The following CYP2J2 variants were observed in gnomAD, a reference collection of about 807,000 sequenced individuals.
CYP2J2 encodes cytochrome P450 2J2.
A neutral mutation model predicts 48.8 loss-of-function variants in CYP2J2; 41 were observed. The ratio of observed to expected loss-of-function variants is 0.84; its 90% CI spans 0.66 to 1.09. CYP2J2 has a LOEUF of 1.09. Among genes scored for constraint, CYP2J2 ranks in the 50% least tolerant of loss-of-function variants. The pLI, the probability that CYP2J2 is intolerant of heterozygous loss-of-function variation, is 0.00. For synonymous variants in CYP2J2, 221 were observed against 227.1 expected, an observed-to-expected ratio of 0.97 and a Z score of 0.24; for missense variants, 644 against 617.3, an observed-to-expected ratio of 1.04 and a Z score of -0.46.
At chr1:59,958,840 C>T in the CYP2J2 span, among the ~76,000 whole-genome samples, 1 of 152,126 alleles carries the variant, frequency 6.6e-6, no homozygotes, top group African/African-American at 2.4e-5. Context: ...TCTATGTGAA[C>T]AACCTCCAAA....
chr1:59,912,732 G>A (rs926230404), intron 2 of CYP2J2: 12 of 166,952 alleles, frequency 7.2e-5, no homozygotes, highest in African/African-American at 2.6e-4. Flanking sequence ...AGTTACATAA[G>A]TAAAGTTAAG....
Position 59,905,009 on chromosome 1 carries a change from C to T in CYP2J2, c.1053G>A (p.Pro351=), listed in dbSNP as rs780015854. Residue 351 remains proline, a synonymous_variant, in exon 7 of 9, where the codon CCG becomes CCA. Coordinates refer to ENST00000371204, the MANE Select transcript of CYP2J2 (RefSeq NM_000775.4). ...IDRVIGQGQQ[P]STAARESMPY... is the part of the protein sequence containing the mutation. ...GCATGGACTCCCGGGCGGCTGTGCT[C>T]GGCTGCTGCCCCTGGCCAATCACTC... 77 of 1,613,808 alleles carry T rather than the reference C, an allele frequency of 4.8e-5. No individual in the cohort carries two copies. Among genetic ancestry groups the T allele is most frequent in the Non-Finnish European group, 6.2e-5 (73 of 1,179,970 alleles).
At chr1:59,903,527 G>C (rs551283315) in intron 7 of CYP2J2, among the ~76,000 whole-genome samples, 77 of 152,202 alleles carry the variant, frequency 5.1e-4, no homozygotes, top group Non-Finnish European at 9.1e-4. Flanking sequence ...ATTACTGGAG[G>C]AGAGAGTGGG....
intron 1 of CYP2J2, among the ~76,000 whole-genome samples, chr1:59,923,692 T>A (rs1016733286): frequency 6.6e-6 from 1 of 152,104 alleles, no homozygotes; most frequent in Non-Finnish European, 1.5e-5. Context: ...AATAGCAGAA[T>A]GGTAATGATA....
chr1:59,894,463 C>G (rs955212093), intron 8 of CYP2J2, among the ~76,000 whole-genome samples: 1 of 152,158 alleles, frequency 6.6e-6, no homozygotes, highest in Non-Finnish European at 1.5e-5. Flanking sequence ...CTGGTCTCCA[C>G]AGCTGACACC....
intron 7 of CYP2J2, among the ~76,000 whole-genome samples, chr1:59,901,923 G>C (rs1644323483): frequency 6.6e-6 from 1 of 152,026 alleles, no homozygotes; most frequent in Admixed American, 6.6e-5. Context: ...AGCCCCCACT[G>C]CTCATACCTA....
intron 1 of CYP2J2, among the ~76,000 whole-genome samples, chr1:59,922,719 C>G (rs1453296815): frequency 6.6e-6 from 1 of 152,082 alleles, no homozygotes; most frequent in African/African-American, 2.4e-5. Flanking sequence ...ATCATGACAC[C>G]AATTAACACA....
intron 3 of CYP2J2, 140 bp downstream of exon 3, chr1:59,912,022 G>A: frequency 9.9e-7 from 1 of 1,014,630 alleles, no homozygotes. Flanking sequence ...AAAACTCTTT[G>A]AGGACAGAGT....
rs1299860965 is a variant in CYP2J2 at position 59,907,894 on chromosome 1, C to A, written c.895G>T (p.Glu299Ter). The A allele has an allele frequency of 6.2e-7, 1 of 1,614,104 alleles. No individual in the cohort carries two copies. The highest frequency in any genetic ancestry group is 1.6e-4 in the Middle Eastern group (1 of 6,062). ...TCCAGGGTGCTGCAGATGAGGTTTTCTTCATGGAAACTTGAAGTAGGATTG... is the reference window on the plus strand; with the variant it reads ...TCCAGGGTGCTGCAGATGAGGTTTTATTCATGGAAACTTGAAGTAGGATTG... The part of the protein sequence containing the change: ...TGNPTSSFHE[E>*]NLICSTLDLF... The change falls in exon 6 of 9, where the codon GAA becomes TAA. Residue 299 changes from glutamate (E) to a stop codon, truncating the protein, a stop_gained. Transcript: ENST00000371204. LOFTEE classifies it high-confidence loss of function.
In CYP2J2 at chr1:59,926,708, C is replaced by T. The variant is rs1644568712; in HGVS notation, c.39G>A (p.Trp13Ter). 2 of 1,613,198 alleles carry T rather than the reference C, an allele frequency of 1.2e-6. No homozygotes were observed. The highest frequency in any genetic ancestry group is 1.7e-5 in the Admixed American group (1 of 59,988). ...GGAGAGTCCGAGGATGGACCACTGC[C>T]CAGAGGGCAGCCGCCAGAGAGCCCA... ...AAMGSLAAAL[W>*]AVVHPRTLLL... Residue 13 changes from tryptophan (W) to a stop codon, truncating the protein, a stop_gained, in exon 1 of 9, where the codon TGG becomes TGA. Coordinates refer to ENST00000371204, the MANE Select transcript of CYP2J2 (RefSeq NM_000775.4). LOFTEE classifies it high-confidence loss of function.
chr1:59,907,112 A>G (rs1014919996), intron 6 of CYP2J2, among the ~76,000 whole-genome samples: 6 of 152,230 alleles, frequency 3.9e-5, no homozygotes, highest in Non-Finnish European at 1.5e-5. Context: ...ATAATACATG[A>G]TAAGCCTAGT....
intron 8 of CYP2J2, among the ~76,000 whole-genome samples, chr1:59,899,566 T>A (rs1443254379): frequency 6.6e-6 from 1 of 152,190 alleles, no homozygotes; most frequent in Non-Finnish European, 1.5e-5. Context: ...CAAACTATCG[T>A]GCATTCCACA....
Position 59,905,039 on chromosome 1 carries a change from A to G in CYP2J2, c.1023T>C (p.Ile341=), listed in dbSNP as rs1644354376. The part of the protein sequence containing the change: ...PEIQEKVQAE[I]DRVIGQGQQP... ...GCTGCCCCTGGCCAATCACTCTGTCAATCTCAGCTTGTACTTTTTCTGGTA... is the reference window on the plus strand; with the variant it reads ...GCTGCCCCTGGCCAATCACTCTGTCGATCTCAGCTTGTACTTTTTCTGGTA... The change falls in exon 7 of 9, where the codon ATT becomes ATC. Residue 341 remains isoleucine, a synonymous_variant. Transcript: ENST00000371204. The G allele has an allele frequency of 6.2e-7, 1 of 1,613,438 alleles. No homozygotes were observed. Among genetic ancestry groups the G allele is most frequent in the Admixed American group, 1.7e-5 (1 of 59,858 alleles).
At chr1:59,917,221 G>T (rs980607029) in intron 1 of CYP2J2, among the ~76,000 whole-genome samples, 1 of 152,102 alleles carries the variant, frequency 6.6e-6, no homozygotes, top group African/African-American at 2.4e-5. Flanking sequence ...CTTGTTCCAG[G>T]CGCACAGCCA....
At chr1:59,957,717 C>T in the CYP2J2 span, among the ~76,000 whole-genome samples, 4 of 150,702 alleles carry the variant, frequency 2.7e-5, no homozygotes, top group Non-Finnish European at 5.9e-5. Context: ...ACACACACAC[C>T]ACACACACAT....
At chr1:59,961,202 A>G in the CYP2J2 span, among the ~76,000 whole-genome samples, 1 of 152,228 alleles carries the variant, frequency 6.6e-6, no homozygotes, top group Non-Finnish European at 1.5e-5. Flanking sequence ...TGCCAAGACA[A>G]CATACAGAAT....
the CYP2J2 span, among the ~76,000 whole-genome samples, chr1:59,963,612 C>G: frequency 6.6e-6 from 1 of 152,052 alleles, no homozygotes; most frequent in South Asian, 2.1e-4. Flanking sequence ...GTAGTTTTGA[C>G]CCTTGGGCTA....
the CYP2J2 span, among the ~76,000 whole-genome samples, chr1:59,935,051 T>TATAC: frequency 2.8e-5 from 3 of 107,756 alleles, no homozygotes; most frequent in Admixed American, 9.6e-5. Flanking sequence ...TATATATATA[T>TATAC]ACACAACAGA....
In CYP2J2 at chr1:59,926,576, G is replaced by C. The variant is rs759849513; in HGVS notation, c.171C>G (p.Phe57Leu). The C allele has an allele frequency of 7.4e-6, 12 of 1,614,236 alleles. No individual in the cohort carries two copies. In the South Asian group the frequency reaches 1.1e-4, roughly 15 times the overall value. The change falls in exon 1 of 9, where the codon TTC (phenylalanine) becomes TTG (leucine). Residue 57 changes from phenylalanine to leucine, a missense_variant. Physicochemically the swap from Phe to Leu is conservative, Grantham distance 22. Coordinates refer to ENST00000371204, the MANE Select transcript of CYP2J2 (RefSeq NM_000775.4). ...PWRLPFLGNF[F>L]LVDFEQSHLE... is the part of the protein sequence containing the mutation. ...GGTGCGACTGCTCGAAGTCCACAAG[G>C]AAGAAGTTGCCAAGGAAGGGCAGGC...
Sources: gnomAD v4.1 joint callset for allele counts (sites outside exome capture counted in the v4.1 genomes callset) on GRCh38, gnomAD v4.1.1 for gene constraint, MANE v1.5 for transcripts, NCBI Gene and HGNC (gene_info 2026-07-23, HGNC 2026-07-21) for gene names.